DMD: variants seen among roughly 807,000 people sequenced by gnomAD.
DMD encodes the protein dystrophin.
Under a neutral mutation model 330.1 loss-of-function variants are expected in DMD, and 63 were observed. The observed-to-expected ratio is 0.19, with a 90% CI of 0.16 to 0.24. The LOEUF (loss-of-function observed/expected upper bound fraction) is 0.24, where lower values mean the gene tolerates loss of function less well. Ranked by LOEUF, DMD falls within the 10% of genes least tolerant of loss-of-function variation. The pLI, the probability that DMD is intolerant of heterozygous loss-of-function variation, is 1.00. For synonymous variants in DMD, 1,223 were observed against 959.8 expected, an observed-to-expected ratio of 1.27 and a Z score of -5.07; for missense variants, 3,344 against 2,684.1, an observed-to-expected ratio of 1.25 and a Z score of -5.43.
chrX:32,388,341 C>CTTTTTTTTTTTTTTTTTTTTTTTTTT (rs3044988), intron 32 of DMD, among the ~76,000 whole-genome samples: 1 of 78,567 alleles, frequency 1.3e-5, no homozygotes, highest in Admixed American at 1.5e-4. Context: ...TTATGCTTTC[C>CTTTTTTTTTTTTTTTTTTTTTTTTTT]TTTTTTTTTT....
chrX:31,212,475 G>T (rs1402044861), intron 64 of DMD, among the ~76,000 whole-genome samples: 1 of 110,074 alleles, frequency 9.1e-6, no homozygotes, highest in Non-Finnish European at 1.9e-5. Context: ...GAGCAGGCAG[G>T]ACTTCAACAC....
intron 55 of DMD, among the ~76,000 whole-genome samples, chrX:31,574,072 G>A (rs1014535565): frequency 9.2e-6 from 1 of 109,200 alleles, no homozygotes; most frequent in African/African-American, 3.3e-5. Flanking sequence ...CAGAAACAGA[G>A]TCTACACTTT....
chrX:33,101,921 A>C (rs1373966652), intron 1 of DMD, among the ~76,000 whole-genome samples: 1 of 112,102 alleles, frequency 8.9e-6, no homozygotes, highest in African/African-American at 3.2e-5. Context: ...AACAGAAGTT[A>C]ACCTTTCCAT....
chrX:32,841,195 G>A (rs1302297270), intron 4 of DMD, among the ~76,000 whole-genome samples: 1 of 110,511 alleles, frequency 9.0e-6, no homozygotes, highest in Non-Finnish European at 1.9e-5. Context: ...CACCTTTTGT[G>A]TTCCTGTTCA....
chrX:32,366,625 G>A (rs914279597), intron 34 of DMD, among the ~76,000 whole-genome samples: 3 of 111,354 alleles, frequency 2.7e-5, no homozygotes, highest in African/African-American at 9.8e-5. Flanking sequence ...GTATAGGCTG[G>A]CCTCATAGAG....
chrX:31,143,305 C>T (rs1181196639), intron 76 of DMD, among the ~76,000 whole-genome samples: 2 of 110,393 alleles, frequency 1.8e-5, no homozygotes, highest in African/African-American at 6.6e-5. Flanking sequence ...CGCATAAGAT[C>T]TGATGGTTTA....
intron 63 of DMD, among the ~76,000 whole-genome samples, chrX:31,226,669 C>T (rs1327429395): frequency 9.0e-6 from 1 of 111,158 alleles, no homozygotes; most frequent in East Asian, 2.8e-4. Flanking sequence ...TCAGCCAACT[C>T]ATGGTATGAA....
At chrX:32,170,496 T>A (rs1000080478) in intron 44 of DMD, among the ~76,000 whole-genome samples, 1 of 107,471 alleles carries the variant, frequency 9.3e-6, no homozygotes, top group Non-Finnish European at 1.9e-5. Flanking sequence ...ATAATTATTA[T>A]TATTATTACT....
intron 9 of DMD, among the ~76,000 whole-genome samples, chrX:32,657,969 T>C (rs1314989569): frequency 9.0e-6 from 1 of 111,514 alleles, no homozygotes; most frequent in African/African-American, 3.3e-5. Context: ...GGTTTTTACA[T>C]ACCAAAAAAA....
chrX:33,010,773 T>C (rs1310320730), intron 2 of DMD, among the ~76,000 whole-genome samples: 1 of 110,641 alleles, frequency 9.0e-6, no homozygotes, highest in Non-Finnish European at 1.9e-5. Flanking sequence ...TTCAATAAAT[T>C]CCTCAGTGGG....
intron 28 of DMD, among the ~76,000 whole-genome samples, chrX:32,439,376 A>G (rs1569562512): frequency 9.0e-6 from 1 of 111,432 alleles, no homozygotes; most frequent in Non-Finnish European, 1.9e-5. Flanking sequence ...TAACCTGTAA[A>G]ATACTTTAAA....
chrX:33,006,218 G>T (rs2093393600), intron 2 of DMD, among the ~76,000 whole-genome samples: 1 of 111,316 alleles, frequency 9.0e-6, no homozygotes, highest in Admixed American at 9.6e-5. Flanking sequence ...ATCACAGCAA[G>T]TTACCTTGCC....
intron 64 of DMD, among the ~76,000 whole-genome samples, chrX:31,214,937 CTTTTTTTTTTTTT>C (rs761569710): frequency 5.2e-5 from 2 of 38,101 alleles, no homozygotes; most frequent in Non-Finnish European, 8.6e-5. Context: ...TTTCTTTTTT[CTTTTTTTTTTTTT>C]TTTTTTTTTG....
chrX:32,358,796 C>A (rs2097818515), intron 37 of DMD, among the ~76,000 whole-genome samples: 1 of 111,028 alleles, frequency 9.0e-6, no homozygotes, highest in South Asian at 3.8e-4. Context: ...TTGTCTCAAC[C>A]CCCCAGATTC....
At position 32,007,513 on chromosome X, in the gene DMD, T is replaced by C. The variant is rs147365577; in HGVS notation, c.6439-38999A>G. On this transcript the variant is annotated intron_variant, in intron 44 of 78. Transcript: ENST00000357033. ...TTGTTACATCTGTGTTAGGAAACAA[T>C]TGCAGGGAGTATGGTTGTTATTATC... 5.0e-3 allele frequency among the ~76,000 whole-genome samples: 553 copies of C among 110,980 alleles called. 14 individuals carry two copies. The East Asian group carries it at 0.11, about 23-fold the overall frequency.
intron 1 of DMD, among the ~76,000 whole-genome samples, chrX:33,070,663 CTCTCTCTCTCTATATATATA>C (rs1243756919): frequency 4.4e-5 from 2 of 45,088 alleles, no homozygotes; most frequent in South Asian, 1.5e-3. Context: ...CTCTCTCTCT[CTCTCTCTCTCTATATATATA>C]TATATATATA....
chrX:32,791,672 A>T (rs1411071936), intron 7 of DMD, among the ~76,000 whole-genome samples: 1 of 112,229 alleles, frequency 8.9e-6, no homozygotes, highest in Non-Finnish European at 1.9e-5. Flanking sequence ...CTTTTAAAAT[A>T]ACCTACTCAA....
At chrX:33,053,586 A>C (rs1180083293) in intron 1 of DMD, among the ~76,000 whole-genome samples, 1 of 110,020 alleles carries the variant, frequency 9.1e-6, no homozygotes, top group Non-Finnish European at 1.9e-5. Context: ...ACAGAGCAAG[A>C]CTCCATCTCA....
intron 60 of DMD, among the ~76,000 whole-genome samples, chrX:31,414,365 A>G (rs1176005503): frequency 8.9e-6 from 1 of 112,212 alleles, no homozygotes; most frequent in African/African-American, 3.2e-5. Context: ...TTAATGTTTT[A>G]AAAAGCTCGA....
Sources: allele counts gnomAD v4.1 joint callset (sites outside exome capture counted in the v4.1 genomes callset), GRCh38; gene constraint gnomAD v4.1.1; transcripts MANE v1.5; gene names NCBI Gene and HGNC (gene_info 2026-07-23, HGNC 2026-07-21).